The following SMIM3 variants were observed in gnomAD, a reference collection of about 807,000 sequenced individuals.
SMIM3 encodes small integral membrane protein 3.
SMIM3 carries 4 observed loss-of-function variants against 2.1 expected under a neutral mutation model. The observed-to-expected ratio is 1.89, with a 90% CI of 0.93 to 4.31. The LOEUF is 4.31. Ranked by LOEUF, SMIM3 falls within the 30% of genes most tolerant of loss-of-function variation. SMIM3 has a pLI of 0.01. For missense variants in SMIM3, 79 were observed against 77.7 expected (o/e 1.02, Z -0.06); for synonymous variants, 29 against 30.8 (o/e 0.94, Z 0.19).
At position 150,795,504 on chromosome 5, in the gene SMIM3, G is replaced by A. The variant is rs766544899; in HGVS notation, c.64G>A (p.Val22Ile). 53 of 1,613,706 alleles carry A rather than the reference G, an allele frequency of 3.3e-5. No individual in the cohort carries two copies. Among genetic ancestry groups the A allele is most frequent in the South Asian group, 9.9e-5 (9 of 91,072 alleles). Residue 22 changes from valine (V) to isoleucine (I), a missense_variant, in exon 2 of 2, where the codon GTT becomes ATT. Physicochemically the swap from Val to Ile is conservative, Grantham distance 29. Coordinates refer to ENST00000526627, the MANE Select transcript of SMIM3 (RefSeq NM_032947.5). ...VLPKHILDIWVIVLIILATIV... is the reference protein window; with the variant it reads ...VLPKHILDIWIIVLIILATIV... ...TCCCAAGCACATCCTGGATATCTGG[G>A]TTATTGTCCTCATCATCCTGGCCAC...
chr5:150,784,921 C>T (rs1561723412), intron 1 of SMIM3, among the ~76,000 whole-genome samples: 1 of 152,080 alleles, frequency 6.6e-6, no homozygotes, highest in South Asian at 2.1e-4. Flanking sequence ...ATAGAGGTTA[C>T]AATATGCATC....
intron 1 of SMIM3, among the ~76,000 whole-genome samples, chr5:150,787,778 T>C (rs1529475): frequency 0.063 from 9,546 of 152,308 alleles, 434 homozygotes; most frequent in East Asian, 0.25. Flanking sequence ...TTTACAAATT[T>C]AAACAAATAC....
rs184731904 is a variant in SMIM3, at chr5:150,795,856, G to A, written c.*233G>A. On this transcript the variant is annotated 3_prime_UTR_variant, in exon 2 of 2. Transcript: ENST00000526627. Reference sequence around the variant, plus strand: ...CCTGCCCTTTCTACCTCATAGGGATGTGAGAACCACCTGACTTAGTGGATG... The same window carrying A: ...CCTGCCCTTTCTACCTCATAGGGATATGAGAACCACCTGACTTAGTGGATG... The A allele has an allele frequency of 1.6e-5, 9 of 553,982 alleles. No homozygotes were observed. In the East Asian group the frequency reaches 2.8e-4, roughly 17 times the overall value. 34.3% of individuals were successfully genotyped at this position (553,982 alleles called of 1,614,324 possible).
intron 1 of SMIM3, among the ~76,000 whole-genome samples, chr5:150,787,133 C>T (rs893131647): frequency 1.3e-5 from 2 of 152,196 alleles, no homozygotes; most frequent in African/African-American, 2.4e-5. Context: ...CAGTACTGCT[C>T]AGTCTCCATT....
intron 1 of SMIM3, among the ~76,000 whole-genome samples, chr5:150,791,694 G>T (rs1753351412): frequency 6.6e-6 from 1 of 152,064 alleles, no homozygotes. Context: ...TGGCTCTTGT[G>T]AATAATGCTG....
intron 1 of SMIM3, among the ~76,000 whole-genome samples, chr5:150,794,780 G>A (rs555201599): frequency 5.9e-5 from 9 of 152,220 alleles, no homozygotes; most frequent in Admixed American, 6.5e-5. Flanking sequence ...AATAAATACC[G>A]AGCAGTTCCA....
intron 1 of SMIM3, among the ~76,000 whole-genome samples, chr5:150,779,591 T>C (rs998607089): frequency 6.6e-6 from 1 of 152,154 alleles, no homozygotes; most frequent in African/African-American, 2.4e-5. Flanking sequence ...ATGAGCAAAG[T>C]ATCTTGGAGA....
chr5:150,793,861 A>G (rs530748560), intron 1 of SMIM3, among the ~76,000 whole-genome samples: 14 of 152,358 alleles, frequency 9.2e-5, no homozygotes, highest in African/African-American at 2.9e-4. Flanking sequence ...TGGCAAAAGG[A>G]ACAGTCGGCA....
chr5:150,789,502 C>G, intron 1 of SMIM3, among the ~76,000 whole-genome samples: 1 of 152,148 alleles, frequency 6.6e-6, no homozygotes, highest in East Asian at 1.9e-4. Flanking sequence ...TGACACCCGA[C>G]TACTTCTATG....
At chr5:150,784,204 C>A (rs990556534) in intron 1 of SMIM3, among the ~76,000 whole-genome samples, 4 of 152,012 alleles carry the variant, frequency 2.6e-5, no homozygotes, top group Admixed American at 2.6e-4. Flanking sequence ...TTCGTGAAGC[C>A]CTTACTGTGT....
chr5:150,782,309 C>T (rs556058420), intron 1 of SMIM3, among the ~76,000 whole-genome samples: 3 of 152,172 alleles, frequency 2.0e-5, no homozygotes, highest in Non-Finnish European at 4.4e-5. Flanking sequence ...AGAAATACTT[C>T]CAAGAGTAAA....
At chr5:150,780,612 GC>G (rs1037127883) in intron 1 of SMIM3, among the ~76,000 whole-genome samples, 6 of 152,080 alleles carry the variant, frequency 3.9e-5, no homozygotes, top group Admixed American at 1.3e-4. Context: ...TGTTAGAGAT[GC>G]AAAACAAATG....
At chr5:150,792,313 A>G (rs1753357043) in intron 1 of SMIM3, among the ~76,000 whole-genome samples, 1 of 152,212 alleles carries the variant, frequency 6.6e-6, no homozygotes, top group Admixed American at 6.5e-5. Context: ...CAGGGAATGT[A>G]TTATATCGAT....
intron 1 of SMIM3, among the ~76,000 whole-genome samples, chr5:150,789,815 C>T (rs1753331135): frequency 6.6e-6 from 1 of 152,130 alleles, no homozygotes; most frequent in African/African-American, 2.4e-5. Context: ...GGTGGGCACC[C>T]TCATCTCTAG....
intron 1 of SMIM3, among the ~76,000 whole-genome samples, chr5:150,782,511 T>A (rs944455040): frequency 3.3e-5 from 5 of 152,130 alleles, no homozygotes; most frequent in African/African-American, 4.8e-5. Context: ...GAACTCGAAT[T>A]TGAGCTTATC....
At chr5:150,794,370 A>C (rs1202858880) in intron 1 of SMIM3, among the ~76,000 whole-genome samples, 1 of 152,208 alleles carries the variant, frequency 6.6e-6, no homozygotes, top group Non-Finnish European at 1.5e-5. Flanking sequence ...TTGCACATAC[A>C]TGTTTATAGC....
At chr5:150,791,079 G>A (rs1753344476) in intron 1 of SMIM3, among the ~76,000 whole-genome samples, 1 of 152,100 alleles carries the variant, frequency 6.6e-6, no homozygotes, top group Admixed American at 6.5e-5. Flanking sequence ...AATGAAGAAT[G>A]AAAAGCAAAA....
chr5:150,780,238 C>A (rs1753217914), intron 1 of SMIM3, among the ~76,000 whole-genome samples: 1 of 152,084 alleles, frequency 6.6e-6, no homozygotes, highest in African/African-American at 2.4e-5. Context: ...TCTTCCCTAT[C>A]TGTAAAATGA....
rs1753277238 is a variant in SMIM3, at chr5:150,785,123, T to C, written c.-12+6151T>C. ...TTTTTTTTGAGATGGAGTCTCGCGT[T>C]GTTGCCCAGGCTGGAGTGCAGTGGC... On this transcript the variant is annotated intron_variant, in intron 1 of 1. Transcript: ENST00000526627. Among the ~76,000 whole-genome samples, 3 of 148,846 alleles carry C rather than the reference T, an allele frequency of 2.0e-5. 1 individual carries two copies. The highest frequency in any genetic ancestry group is 7.5e-5 in the African/African-American group (3 of 39,752).
Sources: allele counts gnomAD v4.1 joint callset (sites outside exome capture counted in the v4.1 genomes callset), GRCh38; gene constraint gnomAD v4.1.1; transcripts MANE v1.5; gene names NCBI Gene and HGNC (gene_info 2026-07-23, HGNC 2026-07-21).